The following PTPRD variants were observed in gnomAD, a reference collection of about 807,000 sequenced individuals.
PTPRD encodes the protein receptor-type tyrosine-protein phosphatase delta.
In PTPRD, 34 loss-of-function variants were observed where a neutral mutation model predicts 214.5. The observed-to-expected ratio is 0.16, with a 90% CI of 0.12 to 0.21. PTPRD has a LOEUF of 0.21. Ranked by LOEUF, PTPRD falls within the 10% of genes least tolerant of loss-of-function variation. PTPRD has a pLI of 1.00. For synonymous variants in PTPRD, 1,128 were observed against 845.7 expected (o/e 1.33, Z -5.79); for missense variants, 2,545 against 2,398.7 (o/e 1.06, Z -1.27).
At chr9:10,212,506 T>C (rs1213163326) in intron 3 of PTPRD, among the ~76,000 whole-genome samples, 1 of 152,142 alleles carries the variant, frequency 6.6e-6, no homozygotes, top group Non-Finnish European at 1.5e-5. Flanking sequence ...GTGAGTCCTT[T>C]ATTCCAACAG....
intron 9 of PTPRD, among the ~76,000 whole-genome samples, chr9:9,324,500 G>A (rs1285967667): frequency 6.6e-6 from 1 of 152,162 alleles, no homozygotes; most frequent in African/African-American, 2.4e-5. Context: ...TTTGAGAAGT[G>A]TCTGTTCATA....
intron 7 of PTPRD, among the ~76,000 whole-genome samples, chr9:9,575,222 T>C (rs2088072307): frequency 6.6e-6 from 1 of 152,204 alleles, no homozygotes; most frequent in Admixed American, 6.5e-5. Flanking sequence ...CTTAGCTTTA[T>C]CCATTTTAAT....
At chr9:10,094,684 C>T (rs971578357) in intron 3 of PTPRD, among the ~76,000 whole-genome samples, 1 of 151,160 alleles carries the variant, frequency 6.6e-6, no homozygotes, top group East Asian at 2.0e-4. Flanking sequence ...AAACAAGATG[C>T]TGCAGAGCTT....
chr9:8,329,822 AACAGCCTAC>A (rs1439644574), intron 44 of PTPRD, among the ~76,000 whole-genome samples: 1 of 152,048 alleles, frequency 6.6e-6, no homozygotes, highest in Non-Finnish European at 1.5e-5. Context: ...GGGTAAAACA[AACAGCCTAC>A]TCTAGCCTCA....
chr9:9,483,546 T>G (rs1569568707), intron 8 of PTPRD, among the ~76,000 whole-genome samples: 1 of 152,064 alleles, frequency 6.6e-6, no homozygotes. Context: ...TAAAGACAAA[T>G]TAGGCAAAGG....
At chr9:8,879,913 C>T (rs2098427644) in intron 11 of PTPRD, among the ~76,000 whole-genome samples, 1 of 152,136 alleles carries the variant, frequency 6.6e-6, no homozygotes, top group Non-Finnish European at 1.5e-5. Context: ...GTGATCCTTC[C>T]AGTTCACAGA....
chr9:9,264,573 G>C (rs1375675342), intron 9 of PTPRD, among the ~76,000 whole-genome samples: 1 of 151,472 alleles, frequency 6.6e-6, no homozygotes, highest in Non-Finnish European at 1.5e-5. Flanking sequence ...CATCTTAGGA[G>C]TCCAAAAAGG....
intron 11 of PTPRD, among the ~76,000 whole-genome samples, chr9:8,798,060 C>T (rs947361187): frequency 1.3e-5 from 2 of 152,146 alleles, no homozygotes; most frequent in East Asian, 1.9e-4. Context: ...GCTGGTCTTA[C>T]GTGGAATTCT....
At chr9:8,866,341 CA>C (rs1371518915) in intron 11 of PTPRD, among the ~76,000 whole-genome samples, 16 of 151,950 alleles carry the variant, frequency 1.1e-4, no homozygotes, top group Admixed American at 1.1e-3. Context: ...CTTTTCTTAC[CA>C]CCAAAAGCCC....
At chr9:9,259,091 A>C (rs2099978994) in intron 9 of PTPRD, among the ~76,000 whole-genome samples, 1 of 151,772 alleles carries the variant, frequency 6.6e-6, no homozygotes, top group African/African-American at 2.4e-5. Context: ...CCTCTTACCC[A>C]TTCCCAAGAC....
intron 2 of PTPRD, among the ~76,000 whole-genome samples, chr9:10,405,930 C>T (rs1294313794): frequency 6.6e-6 from 1 of 151,318 alleles, no homozygotes; most frequent in Non-Finnish European, 1.5e-5. Flanking sequence ...TTGAGTTCTA[C>T]AGCATATTAA....
chr9:8,572,362 T>C (rs138578507), intron 14 of PTPRD, among the ~76,000 whole-genome samples: 1,960 of 152,154 alleles, frequency 0.013, 18 homozygotes, highest in Non-Finnish European at 0.019. Context: ...CCCAGGTTTA[T>C]GATCCAAAGA....
intron 9 of PTPRD, among the ~76,000 whole-genome samples, chr9:9,317,962 TG>T (rs1174761366): frequency 6.6e-6 from 1 of 151,974 alleles, no homozygotes; most frequent in Non-Finnish European, 1.5e-5. Context: ...ACTTGAGGTC[TG>T]GAGTTCAAGA....
In PTPRD at chr9:8,776,751, C is replaced by T. The variant is rs138141498; in HGVS notation, c.-103-42805G>A. 5.4e-3 allele frequency among the ~76,000 whole-genome samples: 804 copies of T among 148,164 alleles called. 2 individuals are homozygous for T. Among genetic ancestry groups the T allele is most frequent in the Non-Finnish European group, 9.2e-3 (622 of 67,312 alleles). On this transcript the variant is annotated intron_variant, in intron 11 of 45. Coordinates refer to ENST00000381196, the MANE Select transcript of PTPRD (RefSeq NM_002839.4). ...AAGACATTTAAATTTTTAGAATAGG[C>T]TATTTTTTTTTTGAAGTCCTACCCT... is the stretch of plus-strand genomic sequence containing the variant.
At chr9:9,885,636 A>C (rs1333061605) in intron 5 of PTPRD, among the ~76,000 whole-genome samples, 2 of 152,066 alleles carry the variant, frequency 1.3e-5, no homozygotes, top group East Asian at 3.9e-4. Flanking sequence ...GTTTTAGAGA[A>C]TGAAATGTGG....
chr9:10,010,233 C>G (rs984225863), intron 4 of PTPRD, among the ~76,000 whole-genome samples: 63 of 151,816 alleles, frequency 4.1e-4, no homozygotes, highest in African/African-American at 1.5e-3. Flanking sequence ...AACACCATGA[C>G]CTCAGGGCAA....
At chr9:9,326,206 A>C (rs956207298) in intron 9 of PTPRD, among the ~76,000 whole-genome samples, 8 of 152,142 alleles carry the variant, frequency 5.3e-5, no homozygotes, top group Admixed American at 5.2e-4. Context: ...CCATCCAGGA[A>C]GCCGTATCTT....
At chr9:9,531,251 T>G (rs2075391644) in intron 8 of PTPRD, among the ~76,000 whole-genome samples, 1 of 152,160 alleles carries the variant, frequency 6.6e-6, no homozygotes, top group South Asian at 2.1e-4. Flanking sequence ...ACTGCCTTAC[T>G]TACGGGTTCA....
intron 12 of PTPRD, among the ~76,000 whole-genome samples, chr9:8,707,727 T>G (rs1189605922): frequency 6.6e-6 from 1 of 152,236 alleles, no homozygotes; most frequent in Non-Finnish European, 1.5e-5. Context: ...CTATTGGGTT[T>G]AACCATGGCC....
Sources: allele counts gnomAD v4.1 joint callset (sites outside exome capture counted in the v4.1 genomes callset), GRCh38; gene constraint gnomAD v4.1.1; transcripts MANE v1.5; gene names NCBI Gene and HGNC (gene_info 2026-07-23, HGNC 2026-07-21).